THRB: variants seen among roughly 807,000 people sequenced by gnomAD.
THRB encodes the protein thyroid hormone receptor beta, also known as nuclear receptor subfamily 1 group A member 2.
THRB carries 12 observed loss-of-function variants against 47.8 expected under a neutral mutation model. That is an observed-to-expected ratio of 0.25 (90% CI 0.16 to 0.41). THRB has a LOEUF of 0.41. Among genes scored for constraint, THRB ranks in the 10% least tolerant of loss-of-function variants. The probability of loss-of-function intolerance (pLI) is 1.00; values close to 1 mark genes in which losing one functional copy is unlikely to be tolerated. For missense variants in THRB, 348 were observed against 589.2 expected (o/e 0.59, Z 4.24); for synonymous variants, 218 against 212.2 (o/e 1.03, Z -0.24).
At chr3:24,457,255 C>T (rs530660706) in intron 1 of THRB, among the ~76,000 whole-genome samples, 71 of 152,206 alleles carry the variant, frequency 4.7e-4, no homozygotes, top group African/African-American at 1.5e-3. Flanking sequence ...CTATACTCAC[C>T]CTTCACCTTT....
At chr3:24,311,428 T>C (rs1328681515) in intron 2 of THRB, among the ~76,000 whole-genome samples, 1 of 152,200 alleles carries the variant, frequency 6.6e-6, no homozygotes, top group Non-Finnish European at 1.5e-5. Context: ...CCTCTCCATC[T>C]TTCATAGACT....
intron 1 of THRB, among the ~76,000 whole-genome samples, chr3:24,452,585 C>T (rs1040601446): frequency 2.0e-5 from 3 of 152,024 alleles, no homozygotes; most frequent in Non-Finnish European, 2.9e-5. Context: ...GATGAGGCTC[C>T]GAGAAACATG....
rs1023716223 is a variant in THRB at position 24,303,673 on chromosome 3, T to C, written c.-188-6302A>G. On this transcript the variant is annotated intron_variant, in intron 2 of 10. Coordinates refer to ENST00000646209, the MANE Select transcript of THRB (RefSeq NM_001354712.2). ...CTGGGACAAGAGATAATTGATACAT[T>C]CTCTTACGTCTAATTTTACTACAAG... 2.0e-5 allele frequency among the ~76,000 whole-genome samples: 3 copies of C among 152,212 alleles called. No individual in the cohort carries two copies. In the East Asian group the frequency reaches 5.8e-4, roughly 29 times the overall value.
chr3:24,417,626 C>G (rs1386900285), intron 1 of THRB, among the ~76,000 whole-genome samples: 1 of 151,814 alleles, frequency 6.6e-6, no homozygotes, highest in Non-Finnish European at 1.5e-5. Flanking sequence ...GCAACTGAGC[C>G]TTGGTGAACT....
chr3:24,227,550 C>A (rs984758279), intron 4 of THRB, among the ~76,000 whole-genome samples: 3 of 152,174 alleles, frequency 2.0e-5, no homozygotes, highest in Admixed American at 2.0e-4. Flanking sequence ...TTTGCCCAGG[C>A]ACCCCATCTT....
intron 1 of THRB, among the ~76,000 whole-genome samples, chr3:24,418,957 G>A (rs76900925): frequency 7.2e-5 from 11 of 151,860 alleles, no homozygotes; most frequent in East Asian, 3.9e-4. Flanking sequence ...TCTAATAGAC[G>A]AGATATGAGG....
chr3:24,454,648 G>C (rs551567918), intron 1 of THRB, among the ~76,000 whole-genome samples: 1 of 152,142 alleles, frequency 6.6e-6, no homozygotes, highest in Admixed American at 6.5e-5. Flanking sequence ...GATAGGAGAA[G>C]ATAAGTTTTA....
chr3:24,399,593 T>C (rs1366826358), intron 1 of THRB, among the ~76,000 whole-genome samples: 1 of 152,036 alleles, frequency 6.6e-6, no homozygotes, highest in Non-Finnish European at 1.5e-5. Context: ...AGGTAACAAA[T>C]AAGGAAGGCA....
At chr3:24,138,618 G>T (rs2035014081) in intron 8 of THRB, among the ~76,000 whole-genome samples, 1 of 152,186 alleles carries the variant, frequency 6.6e-6, no homozygotes, top group Admixed American at 6.5e-5. Context: ...CTCCATTCAT[G>T]TAACTACTAG....
chr3:24,129,877 C>G (rs931397839), intron 9 of THRB, among the ~76,000 whole-genome samples: 2 of 152,224 alleles, frequency 1.3e-5, no homozygotes, highest in Non-Finnish European at 2.9e-5. Flanking sequence ...TGTGAAGCCC[C>G]TGGTGTCATG....
chr3:24,369,295 A>G (rs2064731884), intron 1 of THRB, among the ~76,000 whole-genome samples: 4 of 152,150 alleles, frequency 2.6e-5, no homozygotes, highest in African/African-American at 7.2e-5. Flanking sequence ...CGTTGAATTC[A>G]GTTATCACAA....
chr3:24,481,824 T>G (rs1418310480), intron 1 of THRB, among the ~76,000 whole-genome samples: 7 of 147,120 alleles, frequency 4.8e-5, no homozygotes, highest in Admixed American at 4.1e-4. Context: ...GACAAAAGTT[T>G]GAATATGGAC....
At chr3:24,232,302 G>A (rs1428801426) in intron 3 of THRB, among the ~76,000 whole-genome samples, 1 of 152,226 alleles carries the variant, frequency 6.6e-6, no homozygotes, top group African/African-American at 2.4e-5. Flanking sequence ...TTTGTTTAAA[G>A]ACAACACTGT....
chr3:24,419,735 C>A (rs1160540897), intron 1 of THRB, among the ~76,000 whole-genome samples: 2 of 151,926 alleles, frequency 1.3e-5, no homozygotes, highest in African/African-American at 4.8e-5. Flanking sequence ...ATCACATCTT[C>A]TATCTTTGAG....
At chr3:24,383,218 G>GACAAACAAACAA (rs57022667) in intron 1 of THRB, among the ~76,000 whole-genome samples, 3 of 151,848 alleles carry the variant, frequency 2.0e-5, no homozygotes, top group African/African-American at 7.3e-5. Context: ...CGGCTCAGAA[G>GACAAACAAACAA]ACAAACAAAC....
At chr3:24,220,797 C>CAAAAAAA (rs1368551143) in intron 4 of THRB, among the ~76,000 whole-genome samples, 2 of 96,670 alleles carry the variant, frequency 2.1e-5, no homozygotes, top group South Asian at 3.5e-4. Context: ...CAAGGTTAAA[C>CAAAAAAA]AAAAGAAAAA....
At chr3:24,152,654 G>C (rs746862814) in intron 5 of THRB, among the ~76,000 whole-genome samples, 164 bp from the exon 6 acceptor site, 1 of 152,060 alleles carries the variant, frequency 6.6e-6, no homozygotes, top group Non-Finnish European at 1.5e-5. Flanking sequence ...TACTCATAGA[G>C]TTAACATAGG....
chr3:24,314,990 C>A (rs1011661011), intron 2 of THRB, among the ~76,000 whole-genome samples: 1 of 152,158 alleles, frequency 6.6e-6, no homozygotes, highest in Admixed American at 6.5e-5. Context: ...ACCCTCCTTC[C>A]TCTCCCTGCC....
At chr3:24,189,605 GACA>G (rs1185797642) in intron 5 of THRB, among the ~76,000 whole-genome samples, 1 of 152,094 alleles carries the variant, frequency 6.6e-6, no homozygotes, top group Non-Finnish European at 1.5e-5. Context: ...ATGAGTAGAA[GACA>G]ACAACTTAAA....
Sources: allele counts gnomAD v4.1 joint callset (sites outside exome capture counted in the v4.1 genomes callset), GRCh38; gene constraint gnomAD v4.1.1; transcripts MANE v1.5; gene names NCBI Gene and HGNC (gene_info 2026-07-23, HGNC 2026-07-21).